MACROD2: variants seen among roughly 807,000 people sequenced by gnomAD.
MACROD2 encodes the protein ADP-ribose glycohydrolase MACROD2.
Under a neutral mutation model 70.4 loss-of-function variants are expected in MACROD2, and 36 were observed. That is an observed-to-expected ratio of 0.51 (90% CI 0.39 to 0.68). MACROD2 has a LOEUF of 0.68. Among genes scored for constraint, MACROD2 ranks in the 30% least tolerant of loss-of-function variants. The pLI, the probability that MACROD2 is intolerant of heterozygous loss-of-function variation, is 0.00. For missense variants in MACROD2, 496 were observed against 538.4 expected, an observed-to-expected ratio of 0.92 and a Z score of 0.78; for synonymous variants, 172 against 178.8, an observed-to-expected ratio of 0.96 and a Z score of 0.30.
intron 6 of MACROD2, among the ~76,000 whole-genome samples, chr20:15,410,075 A>G (rs1004937102): frequency 3.3e-5 from 5 of 152,070 alleles, no homozygotes; most frequent in African/African-American, 4.8e-5. Flanking sequence ...TTTTCCTTCT[A>G]GTTTCTCTAT....
At chr20:15,621,127 G>A (rs945227100) in intron 8 of MACROD2, among the ~76,000 whole-genome samples, 4 of 152,144 alleles carry the variant, frequency 2.6e-5, no homozygotes, top group Non-Finnish European at 5.9e-5. Flanking sequence ...TAAAAGTCAA[G>A]GTGGATGTTG....
At chr20:15,530,936 A>G (rs948793296) in intron 8 of MACROD2, among the ~76,000 whole-genome samples, 3 of 151,680 alleles carry the variant, frequency 2.0e-5, no homozygotes, top group African/African-American at 7.3e-5. Flanking sequence ...TTTTTAATGA[A>G]ACAAAATCTT....
At chr20:15,007,380 A>AC (rs1218974270) in intron 5 of MACROD2, among the ~76,000 whole-genome samples, 4 of 132,792 alleles carry the variant, frequency 3.0e-5, no homozygotes, top group African/African-American at 8.3e-5. Context: ...AAAAACAAAC[A>AC]AAAAAAAAAC....
At chr20:14,496,894 C>A (rs1196766210) in intron 4 of MACROD2, among the ~76,000 whole-genome samples, 1 of 151,592 alleles carries the variant, frequency 6.6e-6, no homozygotes, top group East Asian at 1.9e-4. Flanking sequence ...ATTATTATTA[C>A]CAACAGTACC....
rs575246377 is a variant in MACROD2, at chr20:15,775,587, GGTCAGGTGGGGGACTTAGAATTTTATT to G, written c.646-87157_646-87131del. Among the ~76,000 whole-genome samples, 6 of 152,124 alleles carry G rather than the reference GGTCAGGTGGGGGACTTAGAATTTTATT, an allele frequency of 3.9e-5. No homozygotes were observed. The East Asian group carries it at 9.7e-4, about 24-fold the overall frequency. On this transcript the variant is annotated intron_variant, in intron 8 of 17. Transcript: ENST00000684519. Reference sequence around the variant, plus strand: ...CCTTTGGCCAAGAGATGATCTGTTCGGTCAGGTGGGGGACTTAGAATTTTATTTTCCGTTTACATATGGAATAGCCAA... The same window carrying G: ...CCTTTGGCCAAGAGATGATCTGTTCGTTCCGTTTACATATGGAATAGCCAA...
rs77258120 is a variant in MACROD2, at chr20:15,529,766, C to T, written c.645+29919C>T. Among the ~76,000 whole-genome samples, 1,014 of 152,242 alleles carry T rather than the reference C, an allele frequency of 6.7e-3. 8 individuals carry two copies. The highest frequency in any genetic ancestry group is 0.023 in the African/African-American group (954 of 41,538). The stretch of plus-strand genomic sequence containing the variant: ...CCTAACTTGACTGATATCCGCCCCC[C>T]CCACCTTTGACCGATTATGTTGACA... On this transcript the variant is annotated intron_variant, in intron 8 of 17. Transcript: ENST00000684519.
At chr20:14,029,661 G>A (rs920836957) in intron 2 of MACROD2, among the ~76,000 whole-genome samples, 13 of 152,182 alleles carry the variant, frequency 8.5e-5, no homozygotes, top group African/African-American at 2.4e-4. Flanking sequence ...GTCATTGAAA[G>A]TATTCAGAGA....
At position 14,132,353 on chromosome 20, in the gene MACROD2, G is replaced by T. The variant is rs151078901; in HGVS notation, c.271+46625G>T. ...ACGAGCCACCATGCCAGACCCTTTTGGCTTTATTGACAGCCTTTGAATTTT... is the reference window on the plus strand; with the variant it reads ...ACGAGCCACCATGCCAGACCCTTTTTGCTTTATTGACAGCCTTTGAATTTT... On this transcript the variant is annotated intron_variant, in intron 3 of 17. Transcript: ENST00000684519. Among the ~76,000 whole-genome samples, 1,288 of 151,736 alleles carry T rather than the reference G, an allele frequency of 8.5e-3. 7 individuals are homozygous for T. Among genetic ancestry groups the T allele is most frequent in the Admixed American group, 0.014 (215 of 15,264 alleles).
chr20:14,891,399 T>G (rs2073758144), intron 5 of MACROD2, among the ~76,000 whole-genome samples: 1 of 152,170 alleles, frequency 6.6e-6, no homozygotes, highest in Non-Finnish European at 1.5e-5. Flanking sequence ...TAATTGAAAG[T>G]AAGTCACATA....
chr20:15,900,200 G>A (rs2065043835), intron 10 of MACROD2, among the ~76,000 whole-genome samples: 1 of 152,030 alleles, frequency 6.6e-6, no homozygotes, highest in Non-Finnish European at 1.5e-5. Flanking sequence ...TTTTTACTTT[G>A]CCATCACTCA....
chr20:15,892,822 G>C, intron 10 of MACROD2: 1 of 395,336 alleles, frequency 2.5e-6, no homozygotes, highest in Non-Finnish European at 4.5e-6. Flanking sequence ...TTAAGATTCA[G>C]CGTGTGTGTA....
intron 3 of MACROD2, among the ~76,000 whole-genome samples, chr20:14,273,258 A>C (rs2082214722): frequency 6.6e-6 from 1 of 152,208 alleles, no homozygotes; most frequent in Non-Finnish European, 1.5e-5. Flanking sequence ...AGCTCTCCTC[A>C]GCAAATTTAA....
chr20:14,932,020 A>T (rs353145), intron 5 of MACROD2, among the ~76,000 whole-genome samples: 52,114 of 148,948 alleles, frequency 0.35, 9,671 homozygotes, highest in East Asian at 0.52. Flanking sequence ...AAAAAAAAAA[A>T]AAAAATCCAC....
At chr20:14,543,957 T>C (rs2085462928) in intron 4 of MACROD2, among the ~76,000 whole-genome samples, 1 of 152,208 alleles carries the variant, frequency 6.6e-6, no homozygotes, top group African/African-American at 2.4e-5. Context: ...CCCAAGTCAG[T>C]CAATTCAACT....
chr20:16,005,695 C>G (rs1454076701), intron 15 of MACROD2, among the ~76,000 whole-genome samples: 1 of 152,208 alleles, frequency 6.6e-6, no homozygotes, highest in African/African-American at 2.4e-5. Flanking sequence ...TCCCTCACAG[C>G]GTGTCTTTTT....
intron 12 of MACROD2, among the ~76,000 whole-genome samples, chr20:15,943,806 A>G (rs1053997411): frequency 5.3e-5 from 8 of 152,136 alleles, no homozygotes; most frequent in Admixed American, 5.2e-4. Flanking sequence ...TATTTTTAAT[A>G]TAAAAATTAT....
At chr20:15,171,251 C>A (rs957756431) in intron 5 of MACROD2, among the ~76,000 whole-genome samples, 2 of 151,452 alleles carry the variant, frequency 1.3e-5, no homozygotes, top group Admixed American at 6.6e-5. Context: ...CCCTCTATTA[C>A]TCCTCCATCA....
rs1042978364 is a variant in MACROD2 at position 15,031,750 on chromosome 20, T to C, written c.419-198190T>C. ...ATGCTGATTGGTCCATGGGTAGCCATAGGCGGGCCTGGAGGGAGCACCATA... is the reference window on the plus strand; with the variant it reads ...ATGCTGATTGGTCCATGGGTAGCCACAGGCGGGCCTGGAGGGAGCACCATA... On this transcript the variant is annotated intron_variant, in intron 5 of 17. Transcript: ENST00000684519. Among the ~76,000 whole-genome samples, 3 of 152,244 alleles carry C rather than the reference T, an allele frequency of 2.0e-5. 1 individual carries two copies. The highest frequency in any genetic ancestry group is 1.5e-5 in the Non-Finnish European group (1 of 68,000).
At chr20:15,364,874 G>A (rs903817767) in intron 6 of MACROD2, among the ~76,000 whole-genome samples, 2 of 152,170 alleles carry the variant, frequency 1.3e-5, no homozygotes, top group African/African-American at 4.8e-5. Flanking sequence ...ACATATAATT[G>A]TGTGACCTCA....
Sources: gnomAD v4.1 joint callset for allele counts (sites outside exome capture counted in the v4.1 genomes callset) on GRCh38, gnomAD v4.1.1 for gene constraint, MANE v1.5 for transcripts, NCBI Gene and HGNC (gene_info 2026-07-23, HGNC 2026-07-21) for gene names.